RASL12: variants seen among roughly 807,000 people sequenced by gnomAD.
The protein encoded by RASL12 is RAS like family 12.
In RASL12, 16 loss-of-function variants were observed where a neutral mutation model predicts 22.9. The observed-to-expected ratio is 0.70, with a 90% CI of 0.47 to 1.06. The LOEUF (loss-of-function observed/expected upper bound fraction) is 1.06, where lower values mean the gene tolerates loss of function less well. RASL12 is among the 50% of genes least tolerant of loss of function. The pLI is 0.00. For synonymous variants in RASL12, 159 were observed against 152.2 expected (o/e 1.04, Z -0.33); for missense variants, 306 against 353.1 (o/e 0.87, Z 1.07).
chr15:65,053,203 G>A (rs1463979060), downstream of RASL12: 1 of 1,609,226 alleles, frequency 6.2e-7, no homozygotes, highest in Non-Finnish European at 8.5e-7. Flanking sequence ...CCAGACACAT[G>A]ATGTGGGCTC....
At chr15:65,053,076 A>C (rs1419781329), downstream of RASL12, 2 of 1,614,182 alleles carry the variant, frequency 1.2e-6, no homozygotes, top group South Asian at 2.2e-5. Context: ...CTCTCAGAAA[A>C]GCCAAACTTG....
chr15:65,065,841 G>A (rs1445109840), intron 1 of RASL12, among the ~76,000 whole-genome samples: 1 of 152,122 alleles, frequency 6.6e-6, no homozygotes, highest in Non-Finnish European at 1.5e-5. Flanking sequence ...CACATCGCAA[G>A]TCTTGGCTTT....
intron 1 of RASL12, among the ~76,000 whole-genome samples, chr15:65,073,848 A>G (rs2086947736): frequency 6.6e-6 from 1 of 152,274 alleles, no homozygotes; most frequent in African/African-American, 2.4e-5. Context: ...AGGACTTAGT[A>G]TAAAGTGCTT....
chr15:65,056,882 T>C (rs772845092), intron 4 of RASL12, among the ~76,000 whole-genome samples: 1 of 152,204 alleles, frequency 6.6e-6, no homozygotes, highest in Non-Finnish European at 1.5e-5. Context: ...CATTTGAGCA[T>C]GTATGCTTTG....
chr15:65,058,408 C>T lies in RASL12; in HGVS notation c.425+19G>A. 1 of 1,428,134 alleles carries T rather than the reference C, an allele frequency of 7.0e-7. No homozygotes were observed. The highest frequency in any genetic ancestry group is 9.3e-7 in the Non-Finnish European group (1 of 1,077,562). 88.5% of individuals were successfully genotyped at this position (1,428,134 alleles called of 1,614,324 possible). ...AGAAAGCGAGCTCTGGAGATAACGGCCAAGCAGGCTGTGCTCACCTGTACT... is the reference window on the plus strand; with the variant it reads ...AGAAAGCGAGCTCTGGAGATAACGGTCAAGCAGGCTGTGCTCACCTGTACT... On this transcript the variant is annotated intron_variant, in intron 4 of 4. Coordinates refer to ENST00000220062, the MANE Select transcript of RASL12 (RefSeq NM_016563.4).
Position 65,065,217 on chromosome 15 carries a change from C to T in RASL12, c.160G>A (p.Glu54Lys). ...GAAGGTACGGGGAGTAGTTTCTTAC[C>T]CAAGTTGGGGTCATATTCACTGATA... ...RFISEYDPNLEDTYSSEETVD... is the reference protein window; with the variant it reads ...RFISEYDPNLKDTYSSEETVD... The change falls in exon 2 of 5, where the codon GAG becomes AAG. Residue 54 changes from glutamate (E) to lysine (K), a missense_variant and splice_region_variant. Coordinates refer to ENST00000220062, the MANE Select transcript of RASL12 (RefSeq NM_016563.4). The T allele has an allele frequency of 6.2e-7, 1 of 1,612,232 alleles. No individual in the cohort carries two copies. The highest frequency in any genetic ancestry group is 8.5e-7 in the Non-Finnish European group (1 of 1,179,334).
At position 65,053,650 on chromosome 15, in the gene RASL12, C is replaced by T; in HGVS notation, c.*1249G>A. 1 of 989,572 alleles carries T rather than the reference C, an allele frequency of 1.0e-6. No homozygotes were observed. Among genetic ancestry groups the T allele is most frequent in the Non-Finnish European group, 1.2e-6 (1 of 832,626 alleles). 61.3% of individuals were successfully genotyped at this position (989,572 alleles called of 1,614,324 possible). A position where few individuals can be genotyped will look rare whatever the true frequency, so the allele number is the denominator to read the frequency against. ...GCTGAGAGGGGAAGGAGCAGGCTTCCAGGCCCAGAATCCCCTTCCCAATCC... is the reference window on the plus strand; with the variant it reads ...GCTGAGAGGGGAAGGAGCAGGCTTCTAGGCCCAGAATCCCCTTCCCAATCC... On this transcript the variant is annotated 3_prime_UTR_variant, in exon 5 of 5. Coordinates refer to ENST00000220062, the MANE Select transcript of RASL12 (RefSeq NM_016563.4).
intron 1 of RASL12, among the ~76,000 whole-genome samples, chr15:65,065,887 C>G (rs2086870331): frequency 6.6e-6 from 1 of 152,042 alleles, no homozygotes; most frequent in Non-Finnish European, 1.5e-5. Context: ...GATATCTCAG[C>G]AGAATGTAAA....
chr15:65,065,184 A>C (rs749357412), intron 2 of RASL12, 33 bp downstream of exon 2: 2 of 1,604,288 alleles, frequency 1.2e-6, no homozygotes, highest in South Asian at 2.2e-5. Flanking sequence ...GATGGGGCAC[A>C]GGCAGCAGAA....
chr15:65,059,836 G>A (rs972599963), intron 2 of RASL12, among the ~76,000 whole-genome samples: 7 of 152,204 alleles, frequency 4.6e-5, no homozygotes, highest in Non-Finnish European at 1.0e-4. Flanking sequence ...CCCAGTGGGA[G>A]AAGAGACAAG....
chr15:65,069,196 C>G (rs962196841), upstream of RASL12, among the ~76,000 whole-genome samples: 8 of 152,348 alleles, frequency 5.3e-5, no homozygotes, highest in Middle Eastern at 3.4e-3. Context: ...AATTATTTTC[C>G]TGGCCAGGAC....
rs913016673 is a variant in RASL12 at position 65,053,470 on chromosome 15, G to A, written c.*1429C>T. 27 of 1,156,858 alleles carry A rather than the reference G, an allele frequency of 2.3e-5. 1 individual carries two copies. The highest frequency in any genetic ancestry group is 2.1e-4 in the African/African-American group (13 of 61,652). The allele number at this position is 1,156,858 out of a possible 1,614,324, so 71.7% of individuals were successfully genotyped here. ...GGCCTGGAGCAAAAGTGCAAAATCC[G>A]TAGCTGGCCTGTGGGTCGGGAAGCC... On this transcript the variant is annotated 3_prime_UTR_variant, in exon 5 of 5. Transcript: ENST00000220062.
At chr15:65,050,433 G>T (rs1302061239), downstream of RASL12, among the ~76,000 whole-genome samples, 1 of 152,182 alleles carries the variant, frequency 6.6e-6, no homozygotes, top group Non-Finnish European at 1.5e-5. Context: ...TTCTAGTGGG[G>T]ATTAAAAATA....
intron 3 of RASL12, 68 bp from the exon 4 acceptor site, chr15:65,058,685 G>T: frequency 8.3e-7 from 1 of 1,211,526 alleles, no homozygotes; most frequent in South Asian, 2.0e-5. Context: ...CACCTGAGCC[G>T]CCCAATCCCA....
rs369920018 is a variant in RASL12, at chr15:65,056,939, G to T, written c.425+1488C>A. ...TAGACAATCCCTTTGGCAAAGATTG[G>T]GGTCAAAAGAGTGATCTGTGCTTTT... On this transcript the variant is annotated intron_variant, in intron 4 of 4. Coordinates refer to ENST00000220062, the MANE Select transcript of RASL12 (RefSeq NM_016563.4). Among the ~76,000 whole-genome samples, 7 of 141,464 alleles carry T rather than the reference G, an allele frequency of 4.9e-5. 1 individual carries two copies. Among genetic ancestry groups the T allele is most frequent in the African/African-American group, 1.9e-4 (7 of 37,106 alleles). The allele number at this position is 141,464 out of a possible 152,430, so 92.8% of individuals were successfully genotyped here.
At chr15:65,051,691 T>A (rs1470356539), downstream of RASL12, 4 of 1,296,118 alleles carry the variant, frequency 3.1e-6, no homozygotes, top group African/African-American at 4.4e-5. Context: ...GAGGGGTCAC[T>A]TAGGGGTCAT....
chr15:65,053,849 G>A lies in RASL12; in HGVS notation c.*1050C>T, dbSNP rs929877375. The A allele has an allele frequency of 3.0e-6, 3 of 985,734 alleles. No individual in the cohort carries two copies. The African/African-American group carries it at 5.2e-5, about 17-fold the overall frequency. The allele number at this position is 985,734 out of a possible 1,614,324, so 61.1% of individuals were successfully genotyped here. A position where few individuals can be genotyped will look rare whatever the true frequency, so the allele number is the denominator to read the frequency against. On this transcript the variant is annotated 3_prime_UTR_variant, in exon 5 of 5. Coordinates refer to ENST00000220062, the MANE Select transcript of RASL12 (RefSeq NM_016563.4). ...AAAGGTGTGTCCTGATCCCATGTCT[G>A]AGCCATGGTGTCTTGGTATAAGCTG...
At position 65,073,399 on chromosome 15, in the gene RASL12, G is replaced by C. The variant is rs561022768; in HGVS notation, c.70+3130C>G. ...GATGGGAGACAGTGACAGATCATCA[G>C]GCATTAGATTGTCATAAGGAGCAGG... On this transcript the variant is annotated intron_variant, in intron 1 of 4. Transcript: ENST00000434605. Among the ~76,000 whole-genome samples the C allele has an allele frequency of 2.0e-5, 3 of 152,204 alleles. No individual in the cohort carries two copies. In the South Asian group the frequency reaches 6.2e-4, roughly 32 times the overall value.
At chr15:65,065,626 G>A (rs1356281464) in intron 1 of RASL12, among the ~76,000 whole-genome samples, 1 of 152,140 alleles carries the variant, frequency 6.6e-6, no homozygotes, top group African/African-American at 2.4e-5. Flanking sequence ...GGGAGGTGTC[G>A]CCCACCCCGG....
Sources: allele counts gnomAD v4.1 joint callset (sites outside exome capture counted in the v4.1 genomes callset), GRCh38; gene constraint gnomAD v4.1.1; transcripts MANE v1.5; gene names NCBI Gene and HGNC (gene_info 2026-07-23, HGNC 2026-07-21).